CAMTA1: variants seen among roughly 807,000 people sequenced by gnomAD.
The protein encoded by CAMTA1 is calmodulin binding transcription activator 1, also known as calmodulin-binding transcription activator 1.
CAMTA1 carries 27 observed loss-of-function variants against 170.9 expected under a neutral mutation model. The observed-to-expected ratio is 0.16, with a 90% CI of 0.12 to 0.22. The LOEUF (loss-of-function observed/expected upper bound fraction) is 0.22. Among genes scored for constraint, CAMTA1 ranks in the 10% least tolerant of loss-of-function variants. The pLI is 1.00. For missense variants in CAMTA1, 1,619 were observed against 2,217.2 expected, an observed-to-expected ratio of 0.73 and a Z score of 5.42; for synonymous variants, 833 against 891.5, an observed-to-expected ratio of 0.93 and a Z score of 1.17.
chr1:7,339,004 C>T (rs1335180187), intron 5 of CAMTA1, among the ~76,000 whole-genome samples: 5 of 152,196 alleles, frequency 3.3e-5, no homozygotes, highest in South Asian at 4.2e-4. Context: ...AACAGGGAGG[C>T]GCTACACACT....
At chr1:7,348,696 AAGC>A (rs2084411551) in intron 5 of CAMTA1, among the ~76,000 whole-genome samples, 1 of 152,172 alleles carries the variant, frequency 6.6e-6, no homozygotes, top group Non-Finnish European at 1.5e-5. Context: ...CCTGGAGAAA[AAGC>A]AGCCACAGGG....
intron 9 of CAMTA1, among the ~76,000 whole-genome samples, chr1:7,667,795 C>T (rs1280421025): frequency 6.6e-6 from 1 of 152,226 alleles, no homozygotes; most frequent in Non-Finnish European, 1.5e-5. Context: ...CCTTGCTTTT[C>T]CAGAAGCCCT....
intron 4 of CAMTA1, among the ~76,000 whole-genome samples, chr1:7,148,020 C>A (rs1646330196): frequency 1.3e-5 from 2 of 151,184 alleles, no homozygotes; most frequent in Admixed American, 1.3e-4. Flanking sequence ...AAACATACAT[C>A]ACACATACAC....
At chr1:6,888,173 CAG>C (rs1673730703) in intron 3 of CAMTA1, 8 of 982,910 alleles carry the variant, frequency 8.1e-6, no homozygotes, top group Non-Finnish European at 7.3e-6. Context: ...TGACACAGTG[CAG>C]AGTCTAAATA....
intron 6 of CAMTA1, among the ~76,000 whole-genome samples, chr1:7,581,068 C>T (rs1317280995): frequency 2.0e-5 from 3 of 152,346 alleles, no homozygotes; most frequent in South Asian, 2.1e-4. Context: ...CCATGGGAAG[C>T]GTCAGATCAG....
chr1:6,858,540 G>C (rs115504070), intron 3 of CAMTA1, among the ~76,000 whole-genome samples: 1 of 151,108 alleles, frequency 6.6e-6, no homozygotes, highest in African/African-American at 2.4e-5. Flanking sequence ...AGTTTAGCCG[G>C]CATTATACTG....
At chr1:7,350,088 C>T (rs954151918) in intron 5 of CAMTA1, among the ~76,000 whole-genome samples, 2 of 152,142 alleles carry the variant, frequency 1.3e-5, no homozygotes, top group Admixed American at 1.3e-4. Flanking sequence ...GGGCTGGGGA[C>T]CTTGGCAAGA....
chr1:7,244,485 C>G (rs1665422797), intron 4 of CAMTA1, among the ~76,000 whole-genome samples: 1 of 152,184 alleles, frequency 6.6e-6, no homozygotes, highest in African/African-American at 2.4e-5. Context: ...AGACTTGGAA[C>G]CAACCCAAAT....
chr1:7,476,979 C>T (rs1305728324), intron 6 of CAMTA1, among the ~76,000 whole-genome samples: 2 of 152,180 alleles, frequency 1.3e-5, no homozygotes, highest in African/African-American at 4.8e-5. Context: ...GGCTGAAGAC[C>T]CAGACACTGG....
Position 7,663,444 on chromosome 1 carries a change from C to T in CAMTA1, c.897C>T (p.Ser299=), listed in dbSNP as rs1225419825. 2 of 1,580,354 alleles carry T rather than the reference C, an allele frequency of 1.3e-6. No homozygotes were observed. Among genetic ancestry groups the T allele is most frequent in the South Asian group, 2.3e-5 (2 of 86,864 alleles). Residue 299 remains serine (S), a synonymous_variant, in exon 9 of 23, where the codon AGC becomes AGT. Coordinates refer to ENST00000303635, the MANE Select transcript of CAMTA1 (RefSeq NM_015215.4). ...AGCCACGGACAGGGGGGTACGGGAGCCACTCGGAGGTGCAGCACAATGACG... is the reference window on the plus strand; with the variant it reads ...AGCCACGGACAGGGGGGTACGGGAGTCACTCGGAGGTGCAGCACAATGACG... ...KVEPRTGGYG[S]HSEVQHNDVS...
chr1:7,272,694 A>C (rs1670000646), intron 5 of CAMTA1, among the ~76,000 whole-genome samples: 11 of 77,600 alleles, frequency 1.4e-4, no homozygotes, highest in Non-Finnish European at 2.3e-4. Flanking sequence ...AACACATGCA[A>C]AAAAAAAAAA....
intron 5 of CAMTA1, among the ~76,000 whole-genome samples, chr1:7,396,823 C>T (rs1477090583): frequency 2.0e-5 from 3 of 152,128 alleles, no homozygotes; most frequent in Admixed American, 2.0e-4. Context: ...GTTGAACCAT[C>T]CTTGCATCCC....
chr1:7,305,396 C>A (rs1044900611), intron 5 of CAMTA1, among the ~76,000 whole-genome samples: 5 of 1,700 alleles, frequency 2.9e-3, no homozygotes, highest in Non-Finnish European at 4.1e-3. Context: ...AGCAAAAAAC[C>A]CCCCACTAAA....
chr1:7,678,245 T>G (rs1350660998), intron 11 of CAMTA1, among the ~76,000 whole-genome samples: 5 of 152,232 alleles, frequency 3.3e-5, no homozygotes, highest in Non-Finnish European at 5.9e-5. Flanking sequence ...TTCTGCCTTT[T>G]GGGGCTAACC....
rs1343760204 is a variant in CAMTA1 at position 7,562,015 on chromosome 1, A to G, written c.511-78385A>G. Among the ~76,000 whole-genome samples, 1 of 152,192 alleles carries G rather than the reference A, an allele frequency of 6.6e-6. No individual in the cohort carries two copies. The highest frequency in any genetic ancestry group is 1.5e-5 in the Non-Finnish European group (1 of 68,040). On this transcript the variant is annotated intron_variant, in intron 6 of 22. Transcript: ENST00000303635. This position sits in a 1 kb window ranked among gnomAD's most constrained non-coding sequence, Gnocchi z 4.8. ...CCAGAGAGATCATGAGGCTTTCTGC[A>G]GACTTTGTCCCCATCGAAGGGTCGT...
In CAMTA1 at chr1:7,641,737, A is replaced by G. The variant is rs1198923927; in HGVS notation, c.664+1184A>G. 6.6e-6 allele frequency among the ~76,000 whole-genome samples: 1 copy of G among 152,096 alleles called. No individual in the cohort carries two copies. The highest frequency in any genetic ancestry group is 1.5e-5 in the Non-Finnish European group (1 of 67,992). ...TCCTCACGTGTCGTCCTTTGAGCCAAGTACCCCGTGGGGAGGTTTGGACCA... is the reference window on the plus strand; with the variant it reads ...TCCTCACGTGTCGTCCTTTGAGCCAGGTACCCCGTGGGGAGGTTTGGACCA... On this transcript the variant is annotated intron_variant, in intron 7 of 22. Transcript: ENST00000303635. This position sits in a 1 kb window ranked among gnomAD's most constrained non-coding sequence, Gnocchi z 4.5.
intron 6 of CAMTA1, among the ~76,000 whole-genome samples, chr1:7,504,624 A>C (rs1280499910): frequency 6.6e-6 from 1 of 152,238 alleles, no homozygotes; most frequent in Non-Finnish European, 1.5e-5. Flanking sequence ...AAGAGGGAAG[A>C]GGTTGGGGAT....
rs568868384 is a variant in CAMTA1 at position 7,380,729 on chromosome 1, C to T, written c.439-87101C>T. 2.1e-4 allele frequency among the ~76,000 whole-genome samples: 32 copies of T among 152,264 alleles called. No individual in the cohort carries two copies. The South Asian group carries it at 6.4e-3, about 31-fold the overall frequency. On this transcript the variant is annotated intron_variant, in intron 5 of 22. Transcript: ENST00000303635. ...ATAGTTTGAAGAGTCTTTCTGGAGC[C>T]AAGATAACAAACAGTCCTCCCTTCT...
chr1:7,747,922 T>G (rs1336614678), intron 19 of CAMTA1, 141 bp downstream of exon 19: 5 of 556,290 alleles, frequency 9.0e-6, no homozygotes, highest in Non-Finnish European at 1.5e-5. Flanking sequence ...TTTTTTTTAT[T>G]TTTTTTTTGA....
Sources: allele counts gnomAD v4.1 joint callset (sites outside exome capture counted in the v4.1 genomes callset), GRCh38; gene constraint gnomAD v4.1.1; non-coding constraint Gnocchi (gnomAD v3.1); transcripts MANE v1.5; gene names NCBI Gene and HGNC (gene_info 2026-07-23, HGNC 2026-07-21).